RAP1A: variants seen among roughly 807,000 people sequenced by gnomAD.
The protein encoded by RAP1A is ras-related protein Rap-1A.
Under a neutral mutation model 26.4 loss-of-function variants are expected in RAP1A, and 6 were observed. The observed-to-expected ratio is 0.23, with a 90% CI of 0.12 to 0.45. The LOEUF (loss-of-function observed/expected upper bound fraction) is 0.45, where lower values mean the gene tolerates loss of function less well. RAP1A is among the 20% of genes least tolerant of loss of function. The pLI is 0.99. For synonymous variants in RAP1A, 73 were observed against 79.4 expected, an observed-to-expected ratio of 0.92 and a Z score of 0.43; for missense variants, 121 against 217.2, an observed-to-expected ratio of 0.56 and a Z score of 2.78.
intron 1 of RAP1A, among the ~76,000 whole-genome samples, chr1:111,564,831 A>G (rs1192666258): frequency 1.3e-5 from 2 of 149,406 alleles, no homozygotes; most frequent in East Asian, 3.9e-4. Context: ...CCAACTCTTA[A>G]AAAAAAAAAG....
chr1:111,569,556 T>C (rs1337256738), intron 1 of RAP1A, among the ~76,000 whole-genome samples: 1 of 152,002 alleles, frequency 6.6e-6, no homozygotes, highest in Non-Finnish European at 1.5e-5. Context: ...TCTGTCTCTG[T>C]ACTAGAAAAT....
At chr1:111,697,634 T>A in intron 4 of RAP1A, 137 bp downstream of exon 4, 1 of 1,458,444 alleles carries the variant, frequency 6.9e-7, no homozygotes, top group Non-Finnish European at 9.1e-7. Context: ...ACATAGGGAT[T>A]CTTAAGTATA....
intron 1 of RAP1A, among the ~76,000 whole-genome samples, chr1:111,658,543 T>G (rs1660535773): frequency 6.6e-6 from 1 of 152,206 alleles, no homozygotes; most frequent in South Asian, 2.1e-4. Context: ...ATTTTTTACT[T>G]TTTAGACATT....
At chr1:111,664,373 C>CAAAAAAAAAAAAAAAAAAAAAAAAAAA in intron 1 of RAP1A, among the ~76,000 whole-genome samples, 1 of 89,870 alleles carries the variant, frequency 1.1e-5, no homozygotes, top group Non-Finnish European at 2.1e-5. Context: ...GACTCCGTCT[C>CAAAAAAAAAAAAAAAAAAAAAAAAAAA]AAAAAAAAAA....
At chr1:111,690,052 A>T (rs918835524) in intron 1 of RAP1A, among the ~76,000 whole-genome samples, 1 of 151,990 alleles carries the variant, frequency 6.6e-6, no homozygotes, top group Non-Finnish European at 1.5e-5. Context: ...TATATGGTTG[A>T]GTGGTGGAAT....
chr1:111,694,108 A>G (rs1661758011), intron 2 of RAP1A, among the ~76,000 whole-genome samples: 1 of 152,116 alleles, frequency 6.6e-6, no homozygotes, highest in Non-Finnish European at 1.5e-5. Flanking sequence ...GGTTGGTTTC[A>G]AATTCCTGAG....
chr1:111,659,084 G>A (rs1660553105), intron 1 of RAP1A, among the ~76,000 whole-genome samples: 2 of 149,300 alleles, frequency 1.3e-5, no homozygotes, highest in Admixed American at 6.6e-5. Context: ...GTGTTAGCAT[G>A]ATATATTTTT....
chr1:111,614,214 T>C (rs1658976980), intron 1 of RAP1A, among the ~76,000 whole-genome samples: 1 of 152,224 alleles, frequency 6.6e-6, no homozygotes, highest in African/African-American at 2.4e-5. Context: ...AAAATGAGAC[T>C]AATAATACGT....
At chr1:111,546,864 C>G (rs989186502) in intron 1 of RAP1A, among the ~76,000 whole-genome samples, 1 of 152,112 alleles carries the variant, frequency 6.6e-6, no homozygotes, top group Non-Finnish European at 1.5e-5. Flanking sequence ...TTCACAGTGG[C>G]TGCACCAGTT....
intron 1 of RAP1A, among the ~76,000 whole-genome samples, chr1:111,661,881 A>G (rs1016989953): frequency 6.6e-6 from 1 of 151,930 alleles, no homozygotes; most frequent in Non-Finnish European, 1.5e-5. Context: ...GACTTTCCCA[A>G]CGTAATTCTT....
chr1:111,566,743 G>T (rs1657926042), intron 1 of RAP1A, among the ~76,000 whole-genome samples: 2 of 151,990 alleles, frequency 1.3e-5, no homozygotes, highest in Non-Finnish European at 2.9e-5. Context: ...TGTACTTGGG[G>T]TTCTTCCTTC....
In RAP1A at chr1:111,649,365, C is replaced by T. The variant is rs914868697; in HGVS notation, c.-28+29431C>T. 29 of 385,270 alleles carry T rather than the reference C, an allele frequency of 7.5e-5. 1 individual carries two copies. Among genetic ancestry groups the T allele is most frequent in the South Asian group, 6.3e-4 (28 of 44,530 alleles). The allele number at this position is 385,270 out of a possible 1,614,324, so 23.9% of individuals were successfully genotyped here. ...GGATGCCTCCCATTCCTGCCAGCCC[C>T]TCGGCCATCCCTGCAGCCAGACCCC... On this transcript the variant is annotated intron_variant, in intron 1 of 7. Coordinates refer to ENST00000369709, the MANE Select transcript of RAP1A (RefSeq NM_002884.4).
intron 1 of RAP1A, among the ~76,000 whole-genome samples, chr1:111,660,290 G>C (rs1660590211): frequency 6.6e-6 from 1 of 152,114 alleles, no homozygotes; most frequent in Non-Finnish European, 1.5e-5. Flanking sequence ...TCTCTGTTCT[G>C]CTATAGGTAA....
chr1:111,652,923 G>GTA (rs1363026860), intron 1 of RAP1A, among the ~76,000 whole-genome samples: 2 of 152,192 alleles, frequency 1.3e-5, no homozygotes, highest in Admixed American at 1.3e-4. Flanking sequence ...TTGCTGCTAG[G>GTA]TATATACCCA....
At position 111,712,748 on chromosome 1, in the gene RAP1A, A is replaced by G. The variant is rs535286424; in HGVS notation, c.*347A>G. The G allele has an allele frequency of 3.0e-3, 454 of 152,666 alleles. 4 individuals carry two copies. Among genetic ancestry groups the G allele is most frequent in the Non-Finnish European group, 5.7e-3 (384 of 67,936 alleles). The allele number at this position is 152,666 out of a possible 1,614,324, so 9.5% of individuals were successfully genotyped here. On this transcript the variant is annotated 3_prime_UTR_variant, in exon 8 of 8. Transcript: ENST00000369709. ...ACTATAATCAAATGATTTCATATTG[A>G]TCTTTTTATCATGATCCTCCCTATC...
At chr1:111,648,889 A>G in intron 1 of RAP1A, 1 of 795,610 alleles carries the variant, frequency 1.3e-6, no homozygotes, top group Non-Finnish European at 2.2e-6. Flanking sequence ...GTCAACCCAG[A>G]GCTGGCAATC....
At chr1:111,579,501 T>C (rs985403932) in intron 1 of RAP1A, among the ~76,000 whole-genome samples, 2 of 152,144 alleles carry the variant, frequency 1.3e-5, no homozygotes, top group Non-Finnish European at 2.9e-5. Context: ...AACACTGAGG[T>C]TTGCTGCTCC....
intron 2 of RAP1A, among the ~76,000 whole-genome samples, chr1:111,692,500 C>G (rs576647458): frequency 6.6e-6 from 1 of 152,184 alleles, no homozygotes; most frequent in South Asian, 2.1e-4. Flanking sequence ...TCAGCGATTC[C>G]CTCTCTAAAA....
chr1:111,549,844 G>A (rs928341551), intron 1 of RAP1A, among the ~76,000 whole-genome samples: 1 of 151,988 alleles, frequency 6.6e-6, no homozygotes. Flanking sequence ...GTAGAGACAG[G>A]GTGTTGCTAT....
Sources: gnomAD v4.1 joint callset for allele counts (sites outside exome capture counted in the v4.1 genomes callset) on GRCh38, gnomAD v4.1.1 for gene constraint, MANE v1.5 for transcripts, NCBI Gene and HGNC (gene_info 2026-07-23, HGNC 2026-07-21) for gene names.